LRMDA: variants seen among roughly 807,000 people sequenced by gnomAD.
LRMDA encodes the protein leucine rich melanocyte differentiation associated.
LRMDA carries 18 observed loss-of-function variants against 29.8 expected under a neutral mutation model. That is an observed-to-expected ratio of 0.60 (90% CI 0.42 to 0.90). The LOEUF (loss-of-function observed/expected upper bound fraction) is 0.90, where lower values mean the gene tolerates loss of function less well. LRMDA is among the 40% of genes least tolerant of loss of function. The pLI is 0.00. For missense variants in LRMDA, 273 were observed against 273.9 expected (o/e 1.00, Z 0.02); for synonymous variants, 125 against 109.4 (o/e 1.14, Z -0.89).
chr10:76,006,850 T>C (rs988050032), intron 2 of LRMDA, among the ~76,000 whole-genome samples: 2 of 152,166 alleles, frequency 1.3e-5, no homozygotes, highest in African/African-American at 4.8e-5. Flanking sequence ...GAAAGTAAGA[T>C]GAGCCCCACA....
intron 6 of LRMDA, among the ~76,000 whole-genome samples, chr10:76,425,846 T>C (rs1029533625): frequency 1.3e-5 from 2 of 151,010 alleles, no homozygotes; most frequent in Non-Finnish European, 3.0e-5. Flanking sequence ...AGTGAGAACA[T>C]GCAGTGTTTG....
At chr10:75,451,935 C>T (rs950591096) in intron 2 of LRMDA, among the ~76,000 whole-genome samples, 9 of 150,930 alleles carry the variant, frequency 6.0e-5, no homozygotes, top group Admixed American at 5.9e-4. Flanking sequence ...AAGTCTCCAT[C>T]GGTGAGGTGG....
At chr10:76,039,642 C>T (rs1848309406) in intron 3 of LRMDA, among the ~76,000 whole-genome samples, 1 of 152,168 alleles carries the variant, frequency 6.6e-6, no homozygotes, top group Non-Finnish European at 1.5e-5. Flanking sequence ...TTAAGAACAA[C>T]AGGCTCTGAA....
At chr10:75,732,056 G>GT (rs1215962522) in intron 2 of LRMDA, among the ~76,000 whole-genome samples, 1 of 152,084 alleles carries the variant, frequency 6.6e-6, no homozygotes, top group East Asian at 1.9e-4. Context: ...TATTATTTAA[G>GT]TTTTTTCCCC....
chr10:76,299,200 C>T (rs1039447989), intron 5 of LRMDA, among the ~76,000 whole-genome samples: 18 of 146,900 alleles, frequency 1.2e-4, no homozygotes, highest in Admixed American at 5.4e-4. Flanking sequence ...CATGCACGCA[C>T]GCGCAATATG....
intron 2 of LRMDA, among the ~76,000 whole-genome samples, chr10:75,716,490 A>C (rs546616103): frequency 6.6e-6 from 1 of 152,368 alleles, no homozygotes; most frequent in Non-Finnish European, 1.5e-5. Flanking sequence ...ATGCATTTGA[A>C]TTAAGATCTG....
At position 75,431,684 on chromosome 10, in the gene LRMDA, C is replaced by A; in HGVS notation, c.-41C>A. The A allele has an allele frequency of 7.9e-7, 1 of 1,272,530 alleles. No homozygotes were observed. The highest frequency in any genetic ancestry group is 9.8e-7 in the Non-Finnish European group (1 of 1,015,930). The allele number at this position is 1,272,530 out of a possible 1,614,324, so 78.8% of individuals were successfully genotyped here. On this transcript the variant is annotated 5_prime_UTR_variant, in exon 1 of 7. Coordinates refer to ENST00000611255, the MANE Select transcript of LRMDA (RefSeq NM_001305581.2). Reference sequence around the variant, plus strand: ...GCGCTCCCCGCTGCTGCCGCCGCGCCCCCGCGCTCCGTCCCGCGCGCCCGC... The same window carrying A: ...GCGCTCCCCGCTGCTGCCGCCGCGCACCCGCGCTCCGTCCCGCGCGCCCGC...
intron 5 of LRMDA, among the ~76,000 whole-genome samples, chr10:76,170,886 A>G (rs1331141407): frequency 6.6e-6 from 1 of 152,200 alleles, no homozygotes; most frequent in Non-Finnish European, 1.5e-5. Flanking sequence ...CTAATCTTGC[A>G]AGGTATTTGT....
intron 2 of LRMDA, among the ~76,000 whole-genome samples, chr10:75,810,237 A>G (rs796312330): frequency 6.6e-6 from 1 of 152,348 alleles, no homozygotes; most frequent in African/African-American, 2.4e-5. Flanking sequence ...GCAGAACCCT[A>G]CACAGCTACT....
At chr10:76,119,689 CAT>C (rs909159675) in intron 5 of LRMDA, among the ~76,000 whole-genome samples, 1 of 152,220 alleles carries the variant, frequency 6.6e-6, no homozygotes, top group Non-Finnish European at 1.5e-5. Flanking sequence ...CCCATGAAAC[CAT>C]GTTTTCCCAA....
intron 6 of LRMDA, among the ~76,000 whole-genome samples, chr10:76,509,799 G>C (rs538731063): frequency 6.6e-6 from 1 of 152,106 alleles, no homozygotes; most frequent in Non-Finnish European, 1.5e-5. Context: ...CACTGTAAGC[G>C]CAGGGCAGGC....
intron 6 of LRMDA, among the ~76,000 whole-genome samples, chr10:76,477,382 C>T (rs1444668656): frequency 6.6e-6 from 1 of 152,106 alleles, no homozygotes; most frequent in Non-Finnish European, 1.5e-5. Context: ...CTACAAACCA[C>T]TGCTCAACAA....
At chr10:76,425,670 G>A (rs1009859746) in intron 6 of LRMDA, among the ~76,000 whole-genome samples, 1 of 151,704 alleles carries the variant, frequency 6.6e-6, no homozygotes, top group Admixed American at 6.6e-5. Context: ...TGTTACATAT[G>A]TATACATGTG....
At chr10:75,734,636 T>C (rs1040610792) in intron 2 of LRMDA, among the ~76,000 whole-genome samples, 1 of 152,230 alleles carries the variant, frequency 6.6e-6, no homozygotes, top group Non-Finnish European at 1.5e-5. Context: ...ATTGAGTACC[T>C]GCTCTTTGCT....
chr10:75,476,919 G>C (rs1038486112), intron 2 of LRMDA, among the ~76,000 whole-genome samples: 10 of 152,004 alleles, frequency 6.6e-5, no homozygotes, highest in Non-Finnish European at 1.0e-4. Flanking sequence ...TGTTCTCACT[G>C]TGTCTCTATA....
At chr10:76,238,848 C>T (rs371093683) in intron 5 of LRMDA, among the ~76,000 whole-genome samples, 5 of 151,264 alleles carry the variant, frequency 3.3e-5, no homozygotes, top group East Asian at 3.9e-4. Context: ...TGTGTGATGG[C>T]GACGGCACCC....
chr10:76,049,741 A>G (rs1424115285), intron 4 of LRMDA, among the ~76,000 whole-genome samples: 2 of 152,182 alleles, frequency 1.3e-5, no homozygotes, highest in African/African-American at 2.4e-5. Flanking sequence ...ATACAAAACA[A>G]TGCAGCTGCC....
intron 5 of LRMDA, among the ~76,000 whole-genome samples, chr10:76,264,405 T>C (rs1839979172): frequency 2.2e-5 from 1 of 44,914 alleles, no homozygotes; most frequent in Non-Finnish European, 4.0e-5. Context: ...AGACTCTGTC[T>C]CAAAAAAAAA....
intron 2 of LRMDA, among the ~76,000 whole-genome samples, chr10:76,010,339 G>A (rs1188496100): frequency 6.3e-5 from 9 of 142,348 alleles, no homozygotes; most frequent in Admixed American, 5.8e-4. Flanking sequence ...TTGAGACAGT[G>A]TCTCACTCTG....
Sources: allele counts gnomAD v4.1 joint callset (sites outside exome capture counted in the v4.1 genomes callset), GRCh38; gene constraint gnomAD v4.1.1; transcripts MANE v1.5; gene names NCBI Gene and HGNC (gene_info 2026-07-23, HGNC 2026-07-21).